The following GRID2 variants were observed in gnomAD, a reference collection of about 807,000 sequenced individuals.
The protein encoded by GRID2 is glutamate ionotropic receptor delta type subunit 2.
Under a neutral mutation model 114.8 loss-of-function variants are expected in GRID2, and 33 were observed. The ratio of observed to expected loss-of-function variants is 0.29; its 90% CI spans 0.22 to 0.38. The LOEUF is 0.38. Among genes scored for constraint, GRID2 ranks in the 10% least tolerant of loss-of-function variants. The pLI, the probability that GRID2 is intolerant of heterozygous loss-of-function variation, is 1.00. For missense variants in GRID2, 1,184 were observed against 1,257.7 expected, an observed-to-expected ratio of 0.94 and a Z score of 0.89; for synonymous variants, 505 against 449.9, an observed-to-expected ratio of 1.12 and a Z score of -1.55.
intron 14 of GRID2, among the ~76,000 whole-genome samples, chr4:93,714,435 T>C (rs1038134323): frequency 1.3e-5 from 2 of 152,208 alleles, no homozygotes; most frequent in African/African-American, 2.4e-5. Flanking sequence ...GAATGACTTA[T>C]ATTCCTTTGG....
chr4:93,532,821 T>A (rs1731585692), intron 13 of GRID2, among the ~76,000 whole-genome samples: 1 of 152,158 alleles, frequency 6.6e-6, no homozygotes, highest in South Asian at 2.1e-4. Flanking sequence ...TTGCTCCACA[T>A]ATTATACACA....
chr4:92,568,777 T>A (rs1020690237), intron 1 of GRID2, among the ~76,000 whole-genome samples: 6 of 151,958 alleles, frequency 3.9e-5, no homozygotes, highest in African/African-American at 1.4e-4. Context: ...CATGTGACCA[T>A]GTGTTCTCAT....
chr4:93,763,981 A>G (rs1733425199), intron 14 of GRID2, among the ~76,000 whole-genome samples: 1 of 152,190 alleles, frequency 6.6e-6, no homozygotes, highest in African/African-American at 2.4e-5. Context: ...TTAAGGACAA[A>G]ATCAGAGTGA....
intron 14 of GRID2, among the ~76,000 whole-genome samples, chr4:93,667,812 G>A (rs1223346427): frequency 3.9e-5 from 6 of 151,946 alleles, no homozygotes; most frequent in Admixed American, 6.6e-5. Context: ...GCCACATAAC[G>A]ATTTTTTCTT....
intron 13 of GRID2, among the ~76,000 whole-genome samples, chr4:93,603,346 C>G (rs916650613): frequency 2.0e-5 from 3 of 152,198 alleles, no homozygotes; most frequent in African/African-American, 7.2e-5. Flanking sequence ...TAAGCCAGAG[C>G]AAGGCCCTAA....
intron 14 of GRID2, among the ~76,000 whole-genome samples, chr4:93,695,175 A>G (rs1726912464): frequency 6.7e-6 from 1 of 148,268 alleles, no homozygotes; most frequent in Non-Finnish European, 1.5e-5. Flanking sequence ...CGTCTCGGAA[A>G]AAAAAAAAAA....
intron 2 of GRID2, among the ~76,000 whole-genome samples, chr4:92,670,377 T>G (rs1732999069): frequency 6.6e-6 from 1 of 151,834 alleles, no homozygotes; most frequent in East Asian, 1.9e-4. Context: ...CTTTGGGAAC[T>G]TTTTTTTAAA....
chr4:92,959,137 A>G (rs1195584334), intron 2 of GRID2, among the ~76,000 whole-genome samples: 3 of 123,246 alleles, frequency 2.4e-5, no homozygotes, highest in Admixed American at 9.2e-5. Flanking sequence ...CAAAAGACTG[A>G]CTTTTGATTT....
At chr4:92,316,534 C>T (rs919494789) in intron 1 of GRID2, among the ~76,000 whole-genome samples, 30 of 152,200 alleles carry the variant, frequency 2.0e-4, no homozygotes, top group African/African-American at 7.2e-4. Context: ...GGGTGTGTCA[C>T]CAGATTTTTT....
intron 2 of GRID2, among the ~76,000 whole-genome samples, chr4:92,957,422 C>T (rs1341117480): frequency 3.3e-5 from 5 of 151,990 alleles, no homozygotes; most frequent in Non-Finnish European, 7.4e-5. Context: ...CTTTTCTCCA[C>T]TGTATTGTCT....
At chr4:93,294,293 A>C (rs1053138675) in intron 8 of GRID2, among the ~76,000 whole-genome samples, 1 of 151,164 alleles carries the variant, frequency 6.6e-6, no homozygotes, top group South Asian at 2.1e-4. Context: ...GAGGTGATCC[A>C]TATCAGGCTA....
chr4:93,684,877 A>G (rs1240519731), intron 14 of GRID2, among the ~76,000 whole-genome samples: 2 of 152,014 alleles, frequency 1.3e-5, no homozygotes, highest in African/African-American at 4.8e-5. Context: ...TTGGTCAAGC[A>G]AAACTCTTTA....
chr4:92,526,511 T>G (rs1330074590), intron 1 of GRID2, among the ~76,000 whole-genome samples: 1 of 151,968 alleles, frequency 6.6e-6, no homozygotes. Flanking sequence ...CCAGGCTAAT[T>G]TTTTGTATTT....
chr4:93,072,757 A>G (rs1334532015), intron 2 of GRID2, among the ~76,000 whole-genome samples: 2 of 152,158 alleles, frequency 1.3e-5, no homozygotes, highest in Non-Finnish European at 2.9e-5. Context: ...ACTGGATACT[A>G]GTCTATTTTA....
intron 2 of GRID2, among the ~76,000 whole-genome samples, chr4:92,849,803 A>T (rs1358154089): frequency 6.6e-6 from 1 of 151,768 alleles, no homozygotes; most frequent in Non-Finnish European, 1.5e-5. Context: ...TAAAGAACCA[A>T]GACTTTTTAC....
chr4:93,648,042 G>C (rs1395737451), intron 14 of GRID2, among the ~76,000 whole-genome samples: 1 of 152,122 alleles, frequency 6.6e-6, no homozygotes, highest in Non-Finnish European at 1.5e-5. Flanking sequence ...GCTAGGATTT[G>C]AATCCAGACA....
Position 92,480,224 on chromosome 4 carries a change from G to A in GRID2, c.89-109907G>A, listed in dbSNP as rs1246808894. Among the ~76,000 whole-genome samples, 8 of 152,108 alleles carry A rather than the reference G, an allele frequency of 5.3e-5. No homozygotes were observed. In the East Asian group the frequency reaches 1.3e-3, roughly 26 times the overall value. On this transcript the variant is annotated intron_variant, in intron 1 of 15. Transcript: ENST00000282020. ...GATCTAGAAAGGAAAGAAATGGAAT[G>A]AGAATTAAATAACTTACTTGAATTG...
At chr4:93,279,298 A>T (rs1172219881) in intron 8 of GRID2, among the ~76,000 whole-genome samples, 1 of 151,866 alleles carries the variant, frequency 6.6e-6, no homozygotes, top group East Asian at 1.9e-4. Context: ...GCACACTACG[A>T]GTACACAAAA....
intron 2 of GRID2, among the ~76,000 whole-genome samples, chr4:92,975,156 C>CAAAAAAAAGAAAAAAAA (rs1753785576): frequency 2.1e-5 from 1 of 46,692 alleles, no homozygotes; most frequent in Non-Finnish European, 3.7e-5. Flanking sequence ...GATTCCGCCT[C>CAAAAAAAAGAAAAAAAA]AAAAAAAAAA....
Sources: allele counts gnomAD v4.1 joint callset (sites outside exome capture counted in the v4.1 genomes callset), GRCh38; gene constraint gnomAD v4.1.1; transcripts MANE v1.5; gene names NCBI Gene and HGNC (gene_info 2026-07-23, HGNC 2026-07-21).